DOCK6: variants seen among roughly 807,000 people sequenced by gnomAD.
The protein encoded by DOCK6 is dedicator of cytokinesis protein 6.
Under a neutral mutation model 230.3 loss-of-function variants are expected in DOCK6, and 167 were observed. That is an observed-to-expected ratio of 0.73 (90% CI 0.64 to 0.82). DOCK6 has a LOEUF of 0.82. DOCK6 is among the 40% of genes least tolerant of loss of function. The pLI, the probability that DOCK6 is intolerant of heterozygous loss-of-function variation, is 0.00. For synonymous variants in DOCK6, 1,148 were observed against 1,185.0 expected (o/e 0.97, Z 0.64); for missense variants, 2,598 against 2,825.8 (o/e 0.92, Z 1.83).
chr19:11,252,929 C>T lies in DOCK6; in HGVS notation c.162G>A (p.Leu54=), dbSNP rs774643635. ...GVPLTEVVEP[L]DFEDVLLSRP... Reference sequence around the variant, plus strand: ...GGCTCAGAAGTACATCCTCAAAGTCCAGGGGCTCGACAACTTCAGTCAGTG... The same window carrying T: ...GGCTCAGAAGTACATCCTCAAAGTCTAGGGGCTCGACAACTTCAGTCAGTG... Residue 54 remains leucine, a synonymous_variant, in exon 3 of 48, where the codon CTG becomes CTA. Transcript: ENST00000294618. 23 of 1,611,160 alleles carry T rather than the reference C, an allele frequency of 1.4e-5. No individual in the cohort carries two copies. The East Asian group carries it at 4.2e-4, about 30-fold the overall frequency.
In DOCK6 at chr19:11,208,700, C is replaced by T. The variant is rs768068681; in HGVS notation, c.5074G>A (p.Gly1692Ser). 17 of 1,611,616 alleles carry T rather than the reference C, an allele frequency of 1.1e-5. No homozygotes were observed. The highest frequency in any genetic ancestry group is 6.7e-5 in the East Asian group (3 of 44,800). ...CAAGGCCTCACCATGGTGAAGTAGC[C>T]GGCTGCCTGTTCCAGCAACCCTACC... ...GLVGLLEQAA[G>S]YFTMGGLYEA... Residue 1692 changes from glycine (G) to serine (S), a missense_variant, in exon 39 of 48, where the codon GGC becomes AGC. By Grantham distance (56) the Gly-to-Ser change is moderately conservative. Transcript: ENST00000294618.
chr19:11,202,607 C>T lies in DOCK6; in HGVS notation c.5338G>A (p.Ala1780Thr). Reference protein sequence around the residue: ...VYKEPSITKLAEISHRLEEFY... With the variant: ...VYKEPSITKLTEISHRLEEFY... The stretch of plus-strand genomic sequence containing the variant: ...GCCTCCAGCCGGTGTGAGATCTCTG[C>T]CAGCTTCGTGATCGATGGCTCCTTG... Residue 1780 changes from alanine (A) to threonine (T), a missense_variant, in exon 42 of 48, where the codon GCA becomes ACA. Coordinates refer to ENST00000294618, the MANE Select transcript of DOCK6 (RefSeq NM_020812.4). The surrounding 1 kb of genome is among the most constrained non-coding windows in gnomAD (Gnocchi z 5.3). The T allele has an allele frequency of 6.2e-7, 1 of 1,614,030 alleles. No individual in the cohort carries two copies.
chr19:11,262,336 C>T (rs2080304748), intron 1 of DOCK6, 61 bp downstream of exon 1: 1 of 1,139,574 alleles, frequency 8.8e-7, no homozygotes, highest in Non-Finnish European at 1.1e-6. Context: ...AGGGTCGCAC[C>T]GCCCCGGGGC....
chr19:11,217,988 A>G (rs1448506740), intron 28 of DOCK6, among the ~76,000 whole-genome samples: 1 of 151,586 alleles, frequency 6.6e-6, no homozygotes, highest in African/African-American at 2.4e-5. Context: ...AGTAGCTGTG[A>G]TTACAGGCAC....
Position 11,208,684 on chromosome 19 carries a change from A to C in DOCK6, c.5088+2T>G, listed in dbSNP as rs2079306380. The C allele has an allele frequency of 5.6e-6, 9 of 1,609,580 alleles. No individual in the cohort carries two copies. Among genetic ancestry groups the C allele is most frequent in the Non-Finnish European group, 5.1e-6 (6 of 1,176,590 alleles). On this transcript the variant is annotated splice_donor_variant, in intron 39 of 47. Transcript: ENST00000294618. LOFTEE classifies it high-confidence loss of function. Reference sequence around the variant, plus strand: ...TCCTGCACCCAGTCCCCAAGGCCTCACCATGGTGAAGTAGCCGGCTGCCTG... The same window carrying C: ...TCCTGCACCCAGTCCCCAAGGCCTCCCCATGGTGAAGTAGCCGGCTGCCTG...
rs1306711555 is a variant in DOCK6 at position 11,217,227 on chromosome 19, T to C, written c.3711+4A>G. 1.2e-6 allele frequency: 2 copies of C among 1,611,490 alleles called. No individual in the cohort carries two copies. The highest frequency in any genetic ancestry group is 1.7e-5 in the Admixed American group (1 of 59,808). ...TGTCTATGGGGACAAGCCTCCCTAC[T>C]CACCGTTGGTGGCCCCTGGGAGATG... On this transcript the variant is annotated splice_donor_region_variant and intron_variant, in intron 29 of 47. Transcript: ENST00000294618.
At position 11,237,543 on chromosome 19, in the gene DOCK6, C is replaced by T; in HGVS notation, c.1986G>A (p.Leu662=). The T allele has an allele frequency of 1.2e-6, 2 of 1,608,720 alleles. No individual in the cohort carries two copies. Among genetic ancestry groups the T allele is most frequent in the Non-Finnish European group, 1.7e-6 (2 of 1,179,382 alleles). Residue 662 remains leucine (L), a synonymous_variant, in exon 18 of 48, where the codon CTG becomes CTA. Coordinates refer to ENST00000294618, the MANE Select transcript of DOCK6 (RefSeq NM_020812.4). ...TPVGFTWIPL[L]QHGRLRTGPF... ...GGCCGGTCCTCAGGCGCCCGTGCTGCAGCAGTGGGATCCACTGGGGAGAGG... is the reference window on the plus strand; with the variant it reads ...GGCCGGTCCTCAGGCGCCCGTGCTGTAGCAGTGGGATCCACTGGGGAGAGG...
In DOCK6 at chr19:11,217,062, G is replaced by T; in HGVS notation, c.3746C>A (p.Ser1249Ter). Residue 1249 changes from serine to a stop codon, truncating the protein, a stop_gained, in exon 30 of 48, where the codon TCA (serine) becomes TAA (stop). Coordinates refer to ENST00000294618, the MANE Select transcript of DOCK6 (RefSeq NM_020812.4). LOFTEE classifies it high-confidence loss of function. ...CACACACGCCAGCAAGGTCCGGCTT[G>T]ACTCAGCAGAGAGGGCACAGCCTGC... ...SRAGCALSAESSRTLLACVLW... is the reference protein window; with the variant it reads ...SRAGCALSAE The T allele has an allele frequency of 6.2e-6, 10 of 1,613,364 alleles. No individual in the cohort carries two copies. Among genetic ancestry groups the T allele is most frequent in the Non-Finnish European group, 8.5e-6 (10 of 1,179,746 alleles).
intron 6 of DOCK6, among the ~76,000 whole-genome samples, chr19:11,249,935 CAG>C (rs1310445456): frequency 7.0e-6 from 1 of 142,508 alleles, no homozygotes; most frequent in Non-Finnish European, 1.5e-5. Context: ...TGAATAAACA[CAG>C]GGGATAGAGT....
rs2079798361 is a variant in DOCK6, at chr19:11,233,334, G to C, written c.2587C>G (p.Leu863Val). The C allele has an allele frequency of 6.2e-7, 1 of 1,613,888 alleles. No individual in the cohort carries two copies. Among genetic ancestry groups the C allele is most frequent in the Non-Finnish European group, 8.5e-7 (1 of 1,179,838 alleles). ...APPVTVQAAT[L>V]ARGSGRPASL... ...GCGGGGCGACCAGAGCCACGGGCCA[G>C]TGTGGCAGCCTGCACTGTCACTGGA... The change falls in exon 22 of 48, where the codon CTG (leucine) becomes GTG (valine). Residue 863 changes from leucine to valine, a missense_variant. By Grantham distance (32) the Leu-to-Val change is conservative. Coordinates refer to ENST00000294618, the MANE Select transcript of DOCK6 (RefSeq NM_020812.4).
At position 11,200,526 on chromosome 19, in the gene DOCK6, A is replaced by G. The variant is rs994941728; in HGVS notation, c.5940-57T>C. The G allele has an allele frequency of 3.4e-5, 54 of 1,579,214 alleles. No homozygotes were observed. In the Middle Eastern group the frequency reaches 8.3e-4, roughly 24 times the overall value. On this transcript the variant is annotated intron_variant, in intron 46 of 47. Transcript: ENST00000294618. This position sits in a 1 kb window ranked among gnomAD's most constrained non-coding sequence, Gnocchi z 4.3. ...ACTCGCACACGGGACTGAAAGCAAGACTAGGGGTGGGGGCACCCATAAGGC... is the reference window on the plus strand; with the variant it reads ...ACTCGCACACGGGACTGAAAGCAAGGCTAGGGGTGGGGGCACCCATAAGGC...
In DOCK6 at chr19:11,251,094, T is replaced by C; in HGVS notation, c.508-8A>G. Reference sequence around the variant, plus strand: ...GCCACGCCGGGAGTCATTCTGCCAGTGGAGAATGTGCAAGCACTGAGTGCC... The same window carrying C: ...GCCACGCCGGGAGTCATTCTGCCAGCGGAGAATGTGCAAGCACTGAGTGCC... On this transcript the variant is annotated splice_polypyrimidine_tract_variant and splice_region_variant and intron_variant, in intron 5 of 47. Coordinates refer to ENST00000294618, the MANE Select transcript of DOCK6 (RefSeq NM_020812.4). 3 of 1,605,374 alleles carry C rather than the reference T, an allele frequency of 1.9e-6. No individual in the cohort carries two copies. Among genetic ancestry groups the C allele is most frequent in the Non-Finnish European group, 2.6e-6 (3 of 1,175,970 alleles).
Position 11,247,056 on chromosome 19 carries a change from T to C in DOCK6, c.806+1010A>G, listed in dbSNP as rs532951198. On this transcript the variant is annotated intron_variant, in intron 7 of 47. Transcript: ENST00000294618. Reference sequence around the variant, plus strand: ...CAGCATCGCTTATCCCGGCTCTGTGTGGTCATCGCATGGTTATGTGTCCTG... The same window carrying C: ...CAGCATCGCTTATCCCGGCTCTGTGCGGTCATCGCATGGTTATGTGTCCTG... Among the ~76,000 whole-genome samples the C allele has an allele frequency of 4.6e-5, 7 of 152,264 alleles. 1 individual carries two copies. In the South Asian group the frequency reaches 1.2e-3, roughly 27 times the overall value.
rs527741390 is a variant in DOCK6 at position 11,237,452 on chromosome 19, A to C, written c.2073+4T>G. The C allele has an allele frequency of 6.2e-7, 1 of 1,613,564 alleles. No individual in the cohort carries two copies. Among genetic ancestry groups the C allele is most frequent in the South Asian group, 1.1e-5 (1 of 91,058 alleles). ...TTGGCAGGCAGGAGCTCCAGGGCAC[A>C]TACATCGGGTGTGAGCACGGAATAG... On this transcript the variant is annotated splice_donor_region_variant and intron_variant, in intron 18 of 47. Transcript: ENST00000294618.
At chr19:11,252,300 G>T in intron 4 of DOCK6, 52 bp from the exon 5 acceptor site, 1 of 1,565,476 alleles carries the variant, frequency 6.4e-7, no homozygotes, top group Non-Finnish European at 8.7e-7. Flanking sequence ...CCCCCAGGGG[G>T]TCCCCAGTGT....
chr19:11,204,169 G>T, intron 40 of DOCK6, 31 bp downstream of exon 40: 1 of 1,545,440 alleles, frequency 6.5e-7, no homozygotes, highest in Non-Finnish European at 8.7e-7. Context: ...GGGGCTGAGG[G>T]TGGGGTCTGG....
In DOCK6 at chr19:11,236,233, A is replaced by T; in HGVS notation, c.2392+113T>A. 9.4e-7 allele frequency: 1 copy of T among 1,061,370 alleles called. No homozygotes were observed. Among genetic ancestry groups the T allele is most frequent in the Non-Finnish European group, 1.3e-6 (1 of 746,344 alleles). 65.7% of individuals were successfully genotyped at this position (1,061,370 alleles called of 1,614,324 possible). The stretch of plus-strand genomic sequence containing the variant: ...TGCAGGGGACTGGAGGTCATTTTTC[A>T]GATGAGAAAAATGGCCAGAGAGGTA... On this transcript the variant is annotated intron_variant, in intron 20 of 47. Coordinates refer to ENST00000294618, the MANE Select transcript of DOCK6 (RefSeq NM_020812.4). The surrounding 1 kb of genome is among the most constrained non-coding windows in gnomAD (Gnocchi z 5.2).
At chr19:11,210,249 C>T (rs559106982) in intron 37 of DOCK6, among the ~76,000 whole-genome samples, 1 of 146,952 alleles carries the variant, frequency 6.8e-6, no homozygotes, top group African/African-American at 2.5e-5. Flanking sequence ...ACTGTCTCTT[C>T]ACCTGTCCAC....
chr19:11,214,061 G>A (rs562779667), intron 34 of DOCK6, among the ~76,000 whole-genome samples: 2 of 152,152 alleles, frequency 1.3e-5, no homozygotes, highest in South Asian at 2.1e-4. Flanking sequence ...GGGATTACAG[G>A]TGTGAGCCAC....
Sources: allele counts gnomAD v4.1 joint callset (sites outside exome capture counted in the v4.1 genomes callset), GRCh38; gene constraint gnomAD v4.1.1; non-coding constraint Gnocchi (gnomAD v3.1); transcripts MANE v1.5; gene names NCBI Gene and HGNC (gene_info 2026-07-23, HGNC 2026-07-21).